The following CACNA1A variants were observed in gnomAD, a reference collection of about 807,000 sequenced individuals.
The protein encoded by CACNA1A is calcium voltage-gated channel subunit alpha1 A, also known as voltage-dependent P/Q-type calcium channel subunit alpha-1A.
In CACNA1A, 57 loss-of-function variants were observed where a neutral mutation model predicts 262.4. The observed-to-expected ratio is 0.22, with a 90% CI of 0.18 to 0.27. CACNA1A has a LOEUF of 0.27. Among genes scored for constraint, CACNA1A ranks in the 10% least tolerant of loss-of-function variants. The pLI is 1.00. For synonymous variants in CACNA1A, 1,431 were observed against 1,419.3 expected (o/e 1.01, Z -0.18); for missense variants, 2,526 against 3,562.8 (o/e 0.71, Z 7.41).
At chr19:13,219,676 C>G (rs1326209859) in intron 38 of CACNA1A, among the ~76,000 whole-genome samples, 1 of 152,114 alleles carries the variant, frequency 6.6e-6, no homozygotes, top group Admixed American at 6.6e-5. Flanking sequence ...TACCGGAGGC[C>G]CGGTGCGGTG....
At chr19:13,492,439 G>T (rs1166487952) in intron 1 of CACNA1A, among the ~76,000 whole-genome samples, 1 of 152,162 alleles carries the variant, frequency 6.6e-6, no homozygotes, top group Non-Finnish European at 1.5e-5. Flanking sequence ...CAGGGAAAGG[G>T]GACCTTGGAA....
At chr19:13,386,214 C>A (rs1445809618) in intron 3 of CACNA1A, among the ~76,000 whole-genome samples, 1 of 151,888 alleles carries the variant, frequency 6.6e-6, no homozygotes, top group African/African-American at 2.4e-5. Context: ...AGAGCCACCA[C>A]CACTACCCGC....
At chr19:13,384,588 T>TA (rs1385052738) in intron 3 of CACNA1A, among the ~76,000 whole-genome samples, 58 of 152,208 alleles carry the variant, frequency 3.8e-4, no homozygotes, top group Non-Finnish European at 7.2e-4. Context: ...TAATCCCAGC[T>TA]ACTTGGGAGG....
At chr19:13,347,087 T>C in intron 6 of CACNA1A, among the ~76,000 whole-genome samples, 1 of 132,344 alleles carries the variant, frequency 7.6e-6, no homozygotes, top group African/African-American at 2.9e-5. Flanking sequence ...TTTGAGACAG[T>C]TCTTGCTCTG....
chr19:13,372,827 A>G (rs746055352), intron 3 of CACNA1A, among the ~76,000 whole-genome samples: 17 of 152,220 alleles, frequency 1.1e-4, no homozygotes, highest in Admixed American at 2.0e-4. Flanking sequence ...ACAGACCCCA[A>G]GCCTCTGGTC....
intron 30 of CACNA1A, chr19:13,245,671 CTTTTTTT>C (rs763446754): frequency 1.7e-5 from 2 of 115,886 alleles, no homozygotes; most frequent in Non-Finnish European, 3.7e-5. Flanking sequence ...CTTTCTTTCT[CTTTTTTT>C]TTTTTTTTTT....
chr19:13,258,614 T>C (rs943681108), intron 27 of CACNA1A: 4 of 152,256 alleles, frequency 2.6e-5, no homozygotes, highest in African/African-American at 9.7e-5. Flanking sequence ...TGGGTTAGCA[T>C]TATTCCCACA....
chr19:13,300,291 T>G (rs1349692322), intron 18 of CACNA1A, among the ~76,000 whole-genome samples: 1 of 151,886 alleles, frequency 6.6e-6, no homozygotes, highest in African/African-American at 2.4e-5. Context: ...CTCCTTCCCT[T>G]GCTAGAATGG....
At chr19:13,469,286 T>C (rs1176988845) in intron 1 of CACNA1A, among the ~76,000 whole-genome samples, 1 of 152,132 alleles carries the variant, frequency 6.6e-6, no homozygotes, top group African/African-American at 2.4e-5. Flanking sequence ...CCAATTTCCC[T>C]GTGGAGAGAC....
intron 3 of CACNA1A, among the ~76,000 whole-genome samples, chr19:13,413,716 T>TAAA (rs547824574): frequency 4.9e-4 from 61 of 123,464 alleles, no homozygotes; most frequent in East Asian, 1.5e-3. Context: ...CCGTCTCTAC[T>TAAA]AAAAAAAAAA....
At chr19:13,376,957 T>TTA (rs796209883) in intron 3 of CACNA1A, among the ~76,000 whole-genome samples, 244 of 141,102 alleles carry the variant, frequency 1.7e-3, no homozygotes, top group Middle Eastern at 7.4e-3. Context: ...ATATAACATG[T>TTA]TATATATATA....
intron 3 of CACNA1A, among the ~76,000 whole-genome samples, chr19:13,439,439 G>A (rs545841096): frequency 5.6e-5 from 7 of 124,580 alleles, no homozygotes; most frequent in Admixed American, 8.4e-5. Context: ...TCGTTCTGTC[G>A]CCCAGGCTGG....
chr19:13,283,245 G>A, intron 22 of CACNA1A, 22 bp downstream of exon 22: 1 of 1,610,260 alleles, frequency 6.2e-7, no homozygotes, highest in Non-Finnish European at 8.5e-7. Context: ...GGCTAGGAAG[G>A]GGTGTGCTCT....
At chr19:13,263,740 T>C (rs1346147615) in intron 24 of CACNA1A, among the ~76,000 whole-genome samples, 3 of 151,758 alleles carry the variant, frequency 2.0e-5, no homozygotes, top group Non-Finnish European at 2.9e-5. Flanking sequence ...AGGCTGGTCT[T>C]GAACTCCTGA....
intron 10 of CACNA1A, among the ~76,000 whole-genome samples, chr19:13,320,259 AG>A (rs2058224863): frequency 4.0e-5 from 6 of 151,782 alleles, no homozygotes; most frequent in Non-Finnish European, 5.9e-5. Flanking sequence ...AGAGAGAGAG[AG>A]AGAGAGAGAG....
In CACNA1A at chr19:13,490,709, GAA is replaced by G. The variant is rs1599367786; in HGVS notation, c.293+15221_293+15222del. On this transcript the variant is annotated intron_variant, in intron 1 of 46. Transcript: ENST00000360228. Reference sequence around the variant, plus strand: ...GAAAGAAAGGAAAGAAAGAAAGAAAGAAAGAAAGAAAGAAAGAAAGAAAGAGA... The same window carrying G: ...GAAAGAAAGGAAAGAAAGAAAGAAAGAGAAAGAAAGAAAGAAAGAAAGAGA... Among the ~76,000 whole-genome samples the G allele has an allele frequency of 8.0e-5, 3 of 37,682 alleles. No homozygotes were observed. The East Asian group carries it at 1.2e-3, about 15-fold the overall frequency. The allele number at this position is 37,682 out of a possible 152,430, so 24.7% of individuals were successfully genotyped here. A position where few individuals can be genotyped will look rare whatever the true frequency, so the allele number is the denominator to read the frequency against.
At chr19:13,453,067 A>G in intron 2 of CACNA1A, 52 bp from the exon 3 acceptor site, 1 of 1,601,954 alleles carries the variant, frequency 6.2e-7, no homozygotes, top group Non-Finnish European at 8.5e-7. Context: ...AGATGTTGAC[A>G]AGATCAGGGA....
intron 1 of CACNA1A, among the ~76,000 whole-genome samples, chr19:13,482,066 A>C (rs528610437): frequency 6.6e-4 from 100 of 152,262 alleles, no homozygotes; most frequent in African/African-American, 2.4e-3. Context: ...TTTTCACTTA[A>C]AGGGAAAGAA....
intron 1 of CACNA1A, among the ~76,000 whole-genome samples, chr19:13,483,565 G>A: frequency 6.6e-6 from 1 of 152,168 alleles, no homozygotes; most frequent in Non-Finnish European, 1.5e-5. Context: ...AGCATTTGCT[G>A]AAAATTCCGG....
Sources: allele counts gnomAD v4.1 joint callset (sites outside exome capture counted in the v4.1 genomes callset), GRCh38; gene constraint gnomAD v4.1.1; transcripts MANE v1.5; gene names NCBI Gene and HGNC (gene_info 2026-07-23, HGNC 2026-07-21).